Variants in SHISA9 observed in about 807,000 individuals in gnomAD.
SHISA9 encodes protein shisa-9.
In SHISA9, 13 loss-of-function variants were observed where a neutral mutation model predicts 38.0. The ratio of observed to expected loss-of-function variants is 0.34; its 90% CI spans 0.22 to 0.54. The LOEUF is 0.54. SHISA9 is among the 20% of genes least tolerant of loss of function. The probability of loss-of-function intolerance (pLI) is 0.91; values close to 1 mark genes in which losing one functional copy is unlikely to be tolerated. For synonymous variants in SHISA9, 275 were observed against 242.0 expected (o/e 1.14, Z -1.27); for missense variants, 538 against 575.8 (o/e 0.93, Z 0.67).
chr16:12,940,853 T>A (rs1206330876), intron 2 of SHISA9, among the ~76,000 whole-genome samples: 3 of 152,186 alleles, frequency 2.0e-5, no homozygotes, highest in Non-Finnish European at 4.4e-5. Flanking sequence ...CTTAGATCAC[T>A]GTGTAGATGA....
chr16:13,017,764 G>T (rs536566723), intron 2 of SHISA9, among the ~76,000 whole-genome samples: 1 of 152,300 alleles, frequency 6.6e-6, no homozygotes, highest in East Asian at 1.9e-4. Flanking sequence ...TGGGGACAGA[G>T]CTCATATACT....
chr16:13,507,047 C>CA, the SHISA9 span, among the ~76,000 whole-genome samples: 1 of 151,768 alleles, frequency 6.6e-6, no homozygotes, highest in South Asian at 2.1e-4. Context: ...TGTCTCAAAA[C>CA]AACAACAGCA....
chr16:12,984,649 GGGTT>G (rs1192785110), intron 2 of SHISA9, among the ~76,000 whole-genome samples: 2 of 152,136 alleles, frequency 1.3e-5, no homozygotes, highest in African/African-American at 4.8e-5. Flanking sequence ...TTAAAACCTA[GGGTT>G]TTTGAAAGAG....
At chr16:13,434,419 G>GTTTTTTGTTTTTTTTTTTT in the SHISA9 span, among the ~76,000 whole-genome samples, 1 of 64,556 alleles carries the variant, frequency 1.5e-5, no homozygotes, top group South Asian at 5.0e-4. Flanking sequence ...GACAAGCTAT[G>GTTTTTTGTTTTTTTTTTTT]TTTTTTTTTT....
chr16:13,264,042 C>T, the SHISA9 span, among the ~76,000 whole-genome samples: 1 of 152,104 alleles, frequency 6.6e-6, no homozygotes, highest in Non-Finnish European at 1.5e-5. Context: ...GATATGACTA[C>T]TTAAGCAACT....
intron 2 of SHISA9, among the ~76,000 whole-genome samples, chr16:12,927,485 C>T (rs991318459): frequency 1.3e-5 from 2 of 152,060 alleles, no homozygotes; most frequent in African/African-American, 2.4e-5. Context: ...TGCAGTGTTA[C>T]CCTCCTGGGT....
At chr16:13,416,739 AAAGAAAGGAAGGAAGG>A in the SHISA9 span, among the ~76,000 whole-genome samples, 2 of 99,086 alleles carry the variant, frequency 2.0e-5, no homozygotes, top group South Asian at 4.8e-4. Flanking sequence ...AGAAAGAAAG[AAAGAAAGGAAGGAAGG>A]AAGGAAGGAA....
the SHISA9 span, among the ~76,000 whole-genome samples, chr16:13,346,314 T>C: frequency 1.3e-5 from 2 of 152,164 alleles, no homozygotes; most frequent in African/African-American, 2.4e-5. Flanking sequence ...CCACCAGATA[T>C]TCATGGGCTA....
intron 2 of SHISA9, among the ~76,000 whole-genome samples, chr16:12,953,575 A>T (rs547305516): frequency 6.6e-6 from 1 of 152,352 alleles, no homozygotes; most frequent in East Asian, 1.9e-4. Flanking sequence ...CCCAATGAGC[A>T]TCAAGTAGGC....
chr16:13,473,245 C>A, the SHISA9 span, among the ~76,000 whole-genome samples: 2 of 152,052 alleles, frequency 1.3e-5, no homozygotes, highest in Non-Finnish European at 2.9e-5. Flanking sequence ...TTTCCATTAC[C>A]AAGGCAAGAT....
At chr16:13,075,525 C>T (rs2073570724) in intron 2 of SHISA9, among the ~76,000 whole-genome samples, 1 of 152,160 alleles carries the variant, frequency 6.6e-6, no homozygotes, top group Admixed American at 6.5e-5. Context: ...GAGGAATGGT[C>T]AGCTAGGGTC....
At chr16:12,920,851 T>C (rs1048286697) in intron 2 of SHISA9, among the ~76,000 whole-genome samples, 9 of 152,226 alleles carry the variant, frequency 5.9e-5, no homozygotes, top group African/African-American at 9.7e-5. Context: ...TAGAGTCCCA[T>C]CCAGGATACC....
chr16:13,457,470 C>T, the SHISA9 span, among the ~76,000 whole-genome samples: 1 of 152,018 alleles, frequency 6.6e-6, no homozygotes. Flanking sequence ...CTCTCACAGC[C>T]ACATGTCTGC....
chr16:13,107,499 A>G (rs1374256328), intron 2 of SHISA9, among the ~76,000 whole-genome samples: 1 of 151,696 alleles, frequency 6.6e-6, no homozygotes, highest in Non-Finnish European at 1.5e-5. Context: ...ACACACACAC[A>G]CACACACACA....
intron 2 of SHISA9, among the ~76,000 whole-genome samples, chr16:12,923,395 G>C (rs1044705490): frequency 1.3e-5 from 2 of 152,104 alleles, no homozygotes; most frequent in Non-Finnish European, 2.9e-5. Flanking sequence ...TGGTGTGGTG[G>C]TGCATGCCTG....
At chr16:13,144,123 A>G (rs995516071) in intron 2 of SHISA9, among the ~76,000 whole-genome samples, 6 of 150,184 alleles carry the variant, frequency 4.0e-5, no homozygotes, top group African/African-American at 9.8e-5. Context: ...ATATCCTAGT[A>G]TGGGAGATTA....
At chr16:13,116,774 G>A (rs2074034780) in intron 2 of SHISA9, among the ~76,000 whole-genome samples, 1 of 152,158 alleles carries the variant, frequency 6.6e-6, no homozygotes, top group African/African-American at 2.4e-5. Flanking sequence ...ACTGAACAAA[G>A]GAGGTTTCAT....
intron 2 of SHISA9, among the ~76,000 whole-genome samples, chr16:13,185,597 T>A (rs2050813834): frequency 6.6e-6 from 1 of 152,224 alleles, no homozygotes; most frequent in Admixed American, 6.5e-5. Context: ...TTGCCTCTAA[T>A]CTCTCTTTGT....
At chr16:13,018,540 C>T (rs1018424343) in intron 2 of SHISA9, among the ~76,000 whole-genome samples, 2 of 152,174 alleles carry the variant, frequency 1.3e-5, no homozygotes, top group Non-Finnish European at 2.9e-5. Flanking sequence ...AAGGTTCCAT[C>T]GGGATGAAGG....
Sources: allele counts gnomAD v4.1 joint callset (sites outside exome capture counted in the v4.1 genomes callset), GRCh38; gene constraint gnomAD v4.1.1; transcripts MANE v1.5; gene names NCBI Gene and HGNC (gene_info 2026-07-23, HGNC 2026-07-21).